LRRC37A2: variants seen among roughly 807,000 people sequenced by gnomAD.
LRRC37A2 encodes the protein leucine-rich repeat-containing protein 37A2.
In LRRC37A2, 9 loss-of-function variants were observed where a neutral mutation model predicts 68.8. That is an observed-to-expected ratio of 0.13 (90% CI 0.08 to 0.23). LRRC37A2 has a LOEUF of 0.23. LRRC37A2 is among the 10% of genes least tolerant of loss of function. The pLI is 1.00. For missense variants in LRRC37A2, 168 were observed against 950.4 expected, an observed-to-expected ratio of 0.18 and a Z score of 10.82; for synonymous variants, 63 against 367.6, an observed-to-expected ratio of 0.17 and a Z score of 9.48.
chr17:46,785,481 C>T, the LRRC37A2 span, among the ~76,000 whole-genome samples: 8 of 152,234 alleles, frequency 5.3e-5, no homozygotes, highest in African/African-American at 1.9e-4. Context: ...CCTTCCCCTC[C>T]GACAGGAGCC....
At chr17:46,996,414 T>C in the LRRC37A2 span, among the ~76,000 whole-genome samples, 4 of 152,044 alleles carry the variant, frequency 2.6e-5, no homozygotes, top group Non-Finnish European at 5.9e-5. Flanking sequence ...TTTTCAGGAG[T>C]TTCCTTTAAG....
At chr17:46,983,079 C>T in the LRRC37A2 span, among the ~76,000 whole-genome samples, 1 of 152,118 alleles carries the variant, frequency 6.6e-6, no homozygotes, top group South Asian at 2.1e-4. Context: ...AAGTCCTGGC[C>T]ATTTGGGGCT....
chr17:47,017,235 C>A, the LRRC37A2 span: 2 of 1,611,818 alleles, frequency 1.2e-6, no homozygotes, highest in Non-Finnish European at 1.7e-6. Flanking sequence ...TGTCATGTCC[C>A]GGCTGCGTTT....
chr17:46,939,960 A>G, the LRRC37A2 span: 3 of 1,007,436 alleles, frequency 3.0e-6, no homozygotes, highest in African/African-American at 1.7e-5. Context: ...CAGCAGCTTC[A>G]TGGCAAGACA....
At chr17:47,018,223 T>C in the LRRC37A2 span, 27 of 1,611,850 alleles carry the variant, frequency 1.7e-5, no homozygotes, top group Admixed American at 6.7e-5. Context: ...GAGGCCCCAA[T>C]TGAGCCTCCA....
the LRRC37A2 span, among the ~76,000 whole-genome samples, chr17:47,002,754 A>G: frequency 1.3e-5 from 2 of 151,544 alleles, no homozygotes; most frequent in Non-Finnish European, 2.9e-5. Context: ...GTGCTCTCTA[A>G]CACTAGGTCT....
chr17:46,997,564 TTATAGGAAA>T, the LRRC37A2 span, among the ~76,000 whole-genome samples: 1 of 152,172 alleles, frequency 6.6e-6, no homozygotes, highest in Non-Finnish European at 1.5e-5. Flanking sequence ...AACTATCCAC[TTATAGGAAA>T]TATAGAAGAC....
chr17:46,743,976 T>C, the LRRC37A2 span, among the ~76,000 whole-genome samples: 1 of 152,204 alleles, frequency 6.6e-6, no homozygotes, highest in Non-Finnish European at 1.5e-5. Context: ...TTAGGCGCAT[T>C]CAGGACCTGT....
the LRRC37A2 span, among the ~76,000 whole-genome samples, chr17:46,695,159 T>C: frequency 1.0e-5 from 1 of 97,526 alleles, no homozygotes; most frequent in Non-Finnish European, 1.9e-5. Flanking sequence ...GGCAAGAGAA[T>C]GGTGTGAACC....
At chr17:46,635,820 C>G in the LRRC37A2 span, among the ~76,000 whole-genome samples, 1 of 29,632 alleles carries the variant, frequency 3.4e-5, no homozygotes, top group Non-Finnish European at 1.0e-4. Context: ...TGTGTGTGTG[C>G]TCGTGTGTGA....
chr17:46,923,100 T>A, the LRRC37A2 span: 93 of 873,516 alleles, frequency 1.1e-4, no homozygotes, highest in Non-Finnish European at 1.4e-4. Context: ...GGAGGGAGGG[T>A]CCTGCGACCG....
chr17:46,976,134 G>A, the LRRC37A2 span, among the ~76,000 whole-genome samples: 1 of 151,678 alleles, frequency 6.6e-6, no homozygotes, highest in Non-Finnish European at 1.5e-5. Context: ...CACTGTGTTA[G>A]CCAGGATGGT....
chr17:46,754,544 C>T, the LRRC37A2 span, among the ~76,000 whole-genome samples: 5 of 152,098 alleles, frequency 3.3e-5, no homozygotes, highest in Non-Finnish European at 5.9e-5. Flanking sequence ...ATGTTTTTAA[C>T]GATTGTTTTC....
At chr17:47,009,325 C>G in the LRRC37A2 span, among the ~76,000 whole-genome samples, 2 of 152,158 alleles carry the variant, frequency 1.3e-5, no homozygotes, top group African/African-American at 4.8e-5. Context: ...TTTAGACAGA[C>G]GGCCTGTGGC....
the LRRC37A2 span, among the ~76,000 whole-genome samples, chr17:46,976,604 G>A: frequency 2.0e-5 from 3 of 151,988 alleles, no homozygotes; most frequent in Admixed American, 6.5e-5. Flanking sequence ...TTCTCTTCTC[G>A]CCCCAGTCAC....
Position 46,521,106 on chromosome 17 carries a change from A to G in LRRC37A2, c.2753+823A>G, listed in dbSNP as rs532977697. 2.6e-3 allele frequency among the ~76,000 whole-genome samples: 196 copies of G among 76,546 alleles called. 48 individuals are homozygous for G. Among genetic ancestry groups the G allele is most frequent in the African/African-American group, 7.4e-3 (188 of 25,514 alleles). The allele number at this position is 76,546 out of a possible 152,430, so 50.2% of individuals were successfully genotyped here. ...ACATCAGAAATGCCCCTAACTCTTC[A>G]CTAATTACAAAATAACGATCGCCCC... On this transcript the variant is annotated intron_variant, in intron 4 of 14. Transcript: ENST00000576629.
the LRRC37A2 span, among the ~76,000 whole-genome samples, chr17:46,848,923 T>C: frequency 7.1e-6 from 1 of 140,782 alleles, no homozygotes; most frequent in African/African-American, 2.7e-5. Flanking sequence ...CCGGCACATG[T>C]GTGCACGTGC....
the LRRC37A2 span, among the ~76,000 whole-genome samples, chr17:46,863,582 G>A: frequency 3.3e-3 from 506 of 152,286 alleles, 1 homozygote; most frequent in African/African-American, 0.012. Flanking sequence ...CCTGGAGGAG[G>A]CAAACAAACA....
the LRRC37A2 span, among the ~76,000 whole-genome samples, chr17:46,745,462 G>A: frequency 6.6e-6 from 1 of 152,178 alleles, no homozygotes; most frequent in Non-Finnish European, 1.5e-5. Context: ...CTCCAGTATG[G>A]TTGCTCTACA....
Sources: gnomAD v4.1 joint callset for allele counts (sites outside exome capture counted in the v4.1 genomes callset) on GRCh38, gnomAD v4.1.1 for gene constraint, MANE v1.5 for transcripts, NCBI Gene and HGNC (gene_info 2026-07-23, HGNC 2026-07-21) for gene names.